PCDHGA12: variants seen among roughly 807,000 people sequenced by gnomAD.
PCDHGA12 encodes the protein protocadherin gamma subfamily A, 12.
PCDHGA12 carries 43 observed loss-of-function variants against 61.1 expected under a neutral mutation model. The observed-to-expected ratio is 0.70, with a 90% CI of 0.55 to 0.91. The LOEUF (loss-of-function observed/expected upper bound fraction) is 0.91. Ranked by LOEUF, PCDHGA12 falls within the 40% of genes least tolerant of loss-of-function variation. The probability of loss-of-function intolerance (pLI) is 0.00; values close to 1 mark genes in which losing one functional copy is unlikely to be tolerated. For synonymous variants in PCDHGA12, 520 were observed against 542.9 expected (o/e 0.96, Z 0.59); for missense variants, 1,236 against 1,227.7 (o/e 1.01, Z -0.10).
In PCDHGA12 at chr5:141,486,043, A is replaced by G. The variant is rs1193580610; in HGVS notation, c.2425-8764A>G. 6.2e-7 allele frequency: 1 copy of G among 1,614,050 alleles called. No homozygotes were observed. Among genetic ancestry groups the G allele is most frequent in the African/African-American group, 1.3e-5 (1 of 74,918 alleles). ...GTGGTCATACCCCTGATCGTGTAAG[A>G]AACCTCTTTAGCCTGCACCCCACTA... On this transcript the variant is annotated intron_variant, in intron 1 of 3. Transcript: ENST00000252085. This position sits in a 1 kb window ranked among gnomAD's most constrained non-coding sequence, Gnocchi z 5.0.
At chr5:141,497,568 C>G (rs1012946741) in intron 2 of PCDHGA12, among the ~76,000 whole-genome samples, 2 of 140,602 alleles carry the variant, frequency 1.4e-5, no homozygotes, top group African/African-American at 5.4e-5. Flanking sequence ...TAGACAGAGT[C>G]TTGCTCTGTT....
Position 141,477,902 on chromosome 5 carries a change from T to A in PCDHGA12, c.2425-16905T>A. ...CCACCTAGTGTCACGGGTGGTAGGC[T>A]GGGACGCGGATGCAGGGCACAATGC... On this transcript the variant is annotated intron_variant, in intron 1 of 3. Transcript: ENST00000252085. The surrounding 1 kb of genome is among the most constrained non-coding windows in gnomAD (Gnocchi z 4.9). The A allele has an allele frequency of 6.2e-7, 1 of 1,614,176 alleles. No homozygotes were observed. Among genetic ancestry groups the A allele is most frequent in the Non-Finnish European group, 8.5e-7 (1 of 1,180,028 alleles).
At chr5:141,443,330 C>A (rs1005631067) in intron 1 of PCDHGA12, among the ~76,000 whole-genome samples, 44 of 139,282 alleles carry the variant, frequency 3.2e-4, no homozygotes, top group African/African-American at 4.5e-4. Flanking sequence ...AAAAAAAAAA[C>A]AAAAATTAAC....
intron 1 of PCDHGA12, chr5:141,478,511 C>CA: frequency 3.1e-6 from 5 of 1,611,778 alleles, no homozygotes; most frequent in Non-Finnish European, 4.2e-6. Context: ...GTTCTATAGG[C>CA]AGGTGTTGGG....
At chr5:141,492,070 G>T (rs1408035481) in intron 1 of PCDHGA12, 1 of 477,946 alleles carries the variant, frequency 2.1e-6, no homozygotes. Context: ...CCTCCTAGGC[G>T]CCGGCTCCGG....
In PCDHGA12 at chr5:141,511,532, T is replaced by G. The variant is rs548369303; in HGVS notation, c.*359T>G. Reference sequence around the variant, plus strand: ...GCCCATCCATCCCATGCCTCCCTCCTCCCCACCCCACTCCAACAGTTCCTC... The same window carrying G: ...GCCCATCCATCCCATGCCTCCCTCCGCCCCACCCCACTCCAACAGTTCCTC... On this transcript the variant is annotated 3_prime_UTR_variant, in exon 4 of 4. Transcript: ENST00000252085. 3.6e-5 allele frequency: 12 copies of G among 335,506 alleles called. No homozygotes were observed. In the East Asian group the frequency reaches 8.0e-4, roughly 22 times the overall value. The allele number at this position is 335,506 out of a possible 1,614,324, so 20.8% of individuals were successfully genotyped here. A position where few individuals can be genotyped will look rare whatever the true frequency, so the allele number is the denominator to read the frequency against.
intron 3 of PCDHGA12, among the ~76,000 whole-genome samples, chr5:141,509,049 C>G (rs1384134813): frequency 3.3e-5 from 5 of 152,150 alleles, no homozygotes; most frequent in Non-Finnish European, 5.9e-5. Context: ...TCCCCCGCCC[C>G]CAGAAAGCTC....
chr5:141,485,070 G>T lies in PCDHGA12; in HGVS notation c.2425-9737G>T. ...CGCCGGCCGAACCGCGCCAGAGCTG[G>T]CGCGGGGAAAGGGAGATAGGTGTCT... On this transcript the variant is annotated intron_variant, in intron 1 of 3. Coordinates refer to ENST00000252085, the MANE Select transcript of PCDHGA12 (RefSeq NM_003735.3). This position sits in a 1 kb window ranked among gnomAD's most constrained non-coding sequence, Gnocchi z 5.7. 1.1e-6 allele frequency: 1 copy of T among 908,406 alleles called. No individual in the cohort carries two copies. Among genetic ancestry groups the T allele is most frequent in the East Asian group, 2.4e-5 (1 of 41,326 alleles). 56.3% of individuals were successfully genotyped at this position (908,406 alleles called of 1,614,324 possible).
chr5:141,475,550 T>G (rs2099365082), intron 1 of PCDHGA12, among the ~76,000 whole-genome samples: 1 of 152,246 alleles, frequency 6.6e-6, no homozygotes, highest in Non-Finnish European at 1.5e-5. Flanking sequence ...AGGGTCCGGC[T>G]AATTGTCTGT....
chr5:141,442,786 A>T (rs569050347), intron 1 of PCDHGA12, among the ~76,000 whole-genome samples: 12 of 152,308 alleles, frequency 7.9e-5, no homozygotes, highest in African/African-American at 2.6e-4. Context: ...TATATTTTAT[A>T]ATTTTACTTT....
chr5:141,478,076 C>G (rs1486983629), intron 1 of PCDHGA12: 2 of 1,614,106 alleles, frequency 1.2e-6, no homozygotes, highest in Non-Finnish European at 1.7e-6. Context: ...CAATGGGGAG[C>G]CTTCGCTCTC....
At chr5:141,467,352 C>A (rs2099142466) in intron 1 of PCDHGA12, among the ~76,000 whole-genome samples, 1 of 152,140 alleles carries the variant, frequency 6.6e-6, no homozygotes, top group South Asian at 2.1e-4. Context: ...TGCCCCCGGC[C>A]AAATCAACGT....
Position 141,449,720 on chromosome 5 carries a change from T to C in PCDHGA12, c.2424+16537T>C, listed in dbSNP as rs373093679. 2.4e-4 allele frequency among the ~76,000 whole-genome samples: 36 copies of C among 151,876 alleles called. No individual in the cohort carries two copies. In the East Asian group the frequency reaches 3.1e-3, roughly 13 times the overall value. ...ACACAAACACATTATTTTTATATGA[T>C]ATGATTTTTTTATGACATGATTATT... On this transcript the variant is annotated intron_variant, in intron 1 of 3. Coordinates refer to ENST00000252085, the MANE Select transcript of PCDHGA12 (RefSeq NM_003735.3).
At position 141,463,438 on chromosome 5, in the gene PCDHGA12, C is replaced by CTTTTT. The variant is rs71576115; in HGVS notation, c.2424+30279_2424+30283dup. On this transcript the variant is annotated intron_variant, in intron 1 of 3. Coordinates refer to ENST00000252085, the MANE Select transcript of PCDHGA12 (RefSeq NM_003735.3). ...GTTTGCGGATCCTCATTTCCTTCTC[C>CTTTTT]TTTTTTTTTTTTTTTTTTTTTTTTT... is the stretch of plus-strand genomic sequence containing the variant. 3.0e-4 allele frequency among the ~76,000 whole-genome samples: 31 copies of CTTTTT among 103,252 alleles called. 1 individual carries two copies. Among genetic ancestry groups the CTTTTT allele is most frequent in the African/African-American group, 1.2e-3 (26 of 22,402 alleles). The allele number at this position is 103,252 out of a possible 152,430, so 67.7% of individuals were successfully genotyped here.
rs2099610288 is a variant in PCDHGA12, at chr5:141,485,252, G to A, written c.2425-9555G>A. ...GTTCCTCTTTTACCACCTGGGTTAC[G>A]TTTGTGGGCAGATCCGCTACCCGGT... On this transcript the variant is annotated intron_variant, in intron 1 of 3. Coordinates refer to ENST00000252085, the MANE Select transcript of PCDHGA12 (RefSeq NM_003735.3). This position sits in a 1 kb window ranked among gnomAD's most constrained non-coding sequence, Gnocchi z 5.7. 6.2e-7 allele frequency: 1 copy of A among 1,614,042 alleles called. No individual in the cohort carries two copies. The highest frequency in any genetic ancestry group is 1.7e-5 in the Admixed American group (1 of 60,008).
intron 1 of PCDHGA12, among the ~76,000 whole-genome samples, chr5:141,480,873 C>A (rs1026513782): frequency 6.6e-6 from 1 of 152,168 alleles, no homozygotes; most frequent in East Asian, 1.9e-4. Context: ...GGTGAAACCC[C>A]GTCTCTACTA....
chr5:141,468,055 T>G (rs2099156893), intron 1 of PCDHGA12, among the ~76,000 whole-genome samples: 1 of 152,096 alleles, frequency 6.6e-6, no homozygotes, highest in Admixed American at 6.5e-5. Flanking sequence ...CCGGGCACAG[T>G]GGCTCACACC....
chr5:141,446,423 T>C (rs745968692), intron 1 of PCDHGA12, among the ~76,000 whole-genome samples: 1 of 152,152 alleles, frequency 6.6e-6, no homozygotes, highest in Non-Finnish European at 1.5e-5. Context: ...CATGTTCATT[T>C]GAAGGATCTG....
rs1255326344 is a variant in PCDHGA12, at chr5:141,431,636, A to G, written c.877A>G (p.Lys293Glu). 6.2e-7 allele frequency: 1 copy of G among 1,614,254 alleles called. No homozygotes were observed. ...GGACGACAAGGCGGCCCAAGTTTTC[A>G]AACTAGATTGTAATTCAGGGACAAT... ...YVDDKAAQVF[K>E]LDCNSGTIST... The change falls in exon 1 of 4, where the codon AAA (lysine) becomes GAA (glutamate). Residue 293 changes from lysine to glutamate, a missense_variant. Physicochemically the swap from Lys to Glu is moderately conservative, Grantham distance 56 (BLOSUM62 1). Transcript: ENST00000252085. This position sits in a 1 kb window ranked among gnomAD's most constrained non-coding sequence, Gnocchi z 4.8.
Sources: allele counts gnomAD v4.1 joint callset (sites outside exome capture counted in the v4.1 genomes callset), GRCh38; gene constraint gnomAD v4.1.1; non-coding constraint Gnocchi (gnomAD v3.1); transcripts MANE v1.5; gene names NCBI Gene and HGNC (gene_info 2026-07-23, HGNC 2026-07-21).